CLIP4: variants seen among roughly 807,000 people sequenced by gnomAD.
The protein encoded by CLIP4 is CAP-Gly domain containing linker protein family member 4.
In CLIP4, 47 loss-of-function variants were observed where a neutral mutation model predicts 73.1. That is an observed-to-expected ratio of 0.64 (90% CI 0.51 to 0.82). CLIP4 has a LOEUF of 0.82. CLIP4 is among the 40% of genes least tolerant of loss of function. The pLI, the probability that CLIP4 is intolerant of heterozygous loss-of-function variation, is 0.00. For synonymous variants in CLIP4, 306 were observed against 295.4 expected (o/e 1.04, Z -0.37); for missense variants, 874 against 852.9 (o/e 1.02, Z -0.31).
exon 1 of CLIP4, chr2:29,097,828 C>T (rs1298407269): frequency 6.6e-6 from 1 of 152,174 alleles, no homozygotes; most frequent in East Asian, 1.9e-4. Context: ...TATGAAAACA[C>T]CCATTTCCAT....
chr2:29,117,796 C>A (rs981015929), intron 1 of CLIP4, among the ~76,000 whole-genome samples: 1 of 152,200 alleles, frequency 6.6e-6, no homozygotes, highest in African/African-American at 2.4e-5. Flanking sequence ...TTTCAACTTT[C>A]TGGTAGGAAT....
chr2:29,173,154 G>T (rs1333609267), intron 14 of CLIP4, among the ~76,000 whole-genome samples: 1 of 152,140 alleles, frequency 6.6e-6, no homozygotes. Flanking sequence ...AGAGAAGATT[G>T]TGTCTACCTG....
At chr2:29,161,065 C>T (rs1413166528) in intron 12 of CLIP4, among the ~76,000 whole-genome samples, 1 of 152,112 alleles carries the variant, frequency 6.6e-6, no homozygotes, top group Non-Finnish European at 1.5e-5. Flanking sequence ...ACCTCTGCCT[C>T]CTGGGTTCAA....
chr2:29,102,690 A>G (rs1304806514), intron 1 of CLIP4, among the ~76,000 whole-genome samples: 5 of 151,356 alleles, frequency 3.3e-5, no homozygotes, highest in East Asian at 1.9e-4. Flanking sequence ...CAGTGGTGCC[A>G]TCTCGGCTCA....
At chr2:29,154,936 C>T (rs1050232874) in intron 9 of CLIP4, among the ~76,000 whole-genome samples, 16 of 152,134 alleles carry the variant, frequency 1.1e-4, no homozygotes, top group African/African-American at 3.4e-4. Flanking sequence ...CAGTCAACAT[C>T]CTCCATAGGA....
chr2:29,172,009 G>GTT (rs34861574), intron 14 of CLIP4, among the ~76,000 whole-genome samples: 5 of 120,356 alleles, frequency 4.2e-5, no homozygotes, highest in East Asian at 2.8e-4. Flanking sequence ...CCCACCCTCT[G>GTT]TTTTTTTTTT....
At chr2:29,103,836 C>G (rs560398637) in intron 1 of CLIP4, among the ~76,000 whole-genome samples, 3 of 152,028 alleles carry the variant, frequency 2.0e-5, no homozygotes, top group Non-Finnish European at 4.4e-5. Flanking sequence ...GCGTCAGACT[C>G]CAGAGTAGCT....
intron 8 of CLIP4, among the ~76,000 whole-genome samples, chr2:29,147,873 G>A (rs1666276022): frequency 6.6e-6 from 1 of 152,078 alleles, no homozygotes; most frequent in Admixed American, 6.6e-5. Context: ...TATTTGGTTA[G>A]TAGTTTGAGG....
intron 12 of CLIP4, among the ~76,000 whole-genome samples, chr2:29,161,323 G>A (rs757478458): frequency 4.6e-5 from 7 of 151,938 alleles, no homozygotes; most frequent in Admixed American, 3.3e-4. Context: ...AACAGAAGTC[G>A]GTTGAACAAA....
At chr2:29,132,970 T>C (rs1665082791) in intron 4 of CLIP4, among the ~76,000 whole-genome samples, 1 of 152,174 alleles carries the variant, frequency 6.6e-6, no homozygotes, top group Admixed American at 6.5e-5. Flanking sequence ...GGAGGATTGC[T>C]TGAGGCCAGG....
chr2:29,098,641 T>C (rs149136162), intron 1 of CLIP4, among the ~76,000 whole-genome samples: 1 of 152,364 alleles, frequency 6.6e-6, no homozygotes, highest in African/African-American at 2.4e-5. Context: ...GTTTCCAGTT[T>C]TGTCAATTAT....
At chr2:29,102,561 A>G (rs1178230196) in intron 1 of CLIP4, among the ~76,000 whole-genome samples, 2 of 152,036 alleles carry the variant, frequency 1.3e-5, no homozygotes, top group African/African-American at 4.8e-5. Context: ...GAGGCAGCTT[A>G]GAGCCATTCT....
intron 8 of CLIP4, among the ~76,000 whole-genome samples, chr2:29,152,187 A>G (rs1666616764): frequency 6.6e-6 from 1 of 152,304 alleles, no homozygotes; most frequent in Non-Finnish European, 1.5e-5. Flanking sequence ...AAAAAGCTAT[A>G]ATGTGGGATA....
intron 14 of CLIP4, 64 bp from the exon 15 acceptor site, chr2:29,174,309 A>T: frequency 7.8e-7 from 1 of 1,281,130 alleles, no homozygotes; most frequent in East Asian, 2.3e-5. Context: ...GTGATAAAAT[A>T]TCATTTTAAA....
intron 1 of CLIP4, among the ~76,000 whole-genome samples, chr2:29,103,516 T>G (rs1296362242): frequency 6.6e-6 from 1 of 152,142 alleles, no homozygotes; most frequent in Non-Finnish European, 1.5e-5. Context: ...ATAACTTACA[T>G]TCTTATAAGA....
At chr2:29,139,919 A>G (rs1665640672) in intron 6 of CLIP4, among the ~76,000 whole-genome samples, 1 of 152,038 alleles carries the variant, frequency 6.6e-6, no homozygotes, top group South Asian at 2.1e-4. Context: ...ATTGTTTCAA[A>G]GAACCATCTT....
At chr2:29,181,471 G>C (rs1240090961) in intron 15 of CLIP4, 101 bp from the exon 16 acceptor site, 9 of 961,350 alleles carry the variant, frequency 9.4e-6, no homozygotes, top group Non-Finnish European at 1.4e-5. Flanking sequence ...TTTGGGAACT[G>C]AGTGAATGAA....
intron 7 of CLIP4, 86 bp downstream of exon 7, chr2:29,144,031 GT>G (rs1665979565): frequency 8.7e-7 from 1 of 1,143,770 alleles, no homozygotes; most frequent in Non-Finnish European, 1.3e-6. Flanking sequence ...AGAGTTTTGA[GT>G]TTTTGAAAAA....
chr2:29,143,358 C>G (rs1338247847), intron 6 of CLIP4, among the ~76,000 whole-genome samples: 1 of 151,798 alleles, frequency 6.6e-6, no homozygotes, highest in Non-Finnish European at 1.5e-5. Context: ...AGAGTTTCCC[C>G]TACAACCATC....
Sources: gnomAD v4.1 joint callset for allele counts (sites outside exome capture counted in the v4.1 genomes callset) on GRCh38, gnomAD v4.1.1 for gene constraint, MANE v1.5 for transcripts, NCBI Gene and HGNC (gene_info 2026-07-23, HGNC 2026-07-21) for gene names.